Variants in UGT1A7 observed in about 807,000 individuals in gnomAD.
UGT1A7 encodes the protein UDP glucuronosyltransferase family 1 member A7, also known as UDP-glucuronosyltransferase 1A7.
Under a neutral mutation model 45.6 loss-of-function variants are expected in UGT1A7, and 33 were observed. The ratio of observed to expected loss-of-function variants is 0.72; its 90% CI spans 0.55 to 0.97. UGT1A7 has a LOEUF of 0.97. Among genes scored for constraint, UGT1A7 ranks in the 50% least tolerant of loss-of-function variants. UGT1A7 has a pLI of 0.00. For synonymous variants in UGT1A7, 274 were observed against 250.6 expected, an observed-to-expected ratio of 1.09 and a Z score of -0.88; for missense variants, 684 against 666.2, an observed-to-expected ratio of 1.03 and a Z score of -0.29.
chr2:233,685,350 A>G (rs898581661), intron 1 of UGT1A7, among the ~76,000 whole-genome samples: 1 of 152,132 alleles, frequency 6.6e-6, no homozygotes, highest in Non-Finnish European at 1.5e-5. Context: ...GGTTTTAATG[A>G]GAAAAAAAGA....
At chr2:233,726,798 G>T (rs548256451) in intron 1 of UGT1A7, among the ~76,000 whole-genome samples, 1 of 152,228 alleles carries the variant, frequency 6.6e-6, no homozygotes, top group South Asian at 2.1e-4. Context: ...CTTATTCAAG[G>T]CTTGGAGGTT....
At chr2:233,753,682 C>T (rs1184784607) in intron 1 of UGT1A7, 1 of 152,178 alleles carries the variant, frequency 6.6e-6, no homozygotes, top group Non-Finnish European at 1.5e-5. Context: ...CTCACCCAAA[C>T]AATATTACAG....
chr2:233,725,060 G>T (rs969335161), intron 1 of UGT1A7, among the ~76,000 whole-genome samples: 5 of 147,180 alleles, frequency 3.4e-5, no homozygotes, highest in African/African-American at 1.0e-4. Flanking sequence ...GGCGGCGCGC[G>T]CCTGCAATCG....
chr2:233,708,960 C>A (rs911786556), intron 1 of UGT1A7, among the ~76,000 whole-genome samples: 3 of 152,094 alleles, frequency 2.0e-5, no homozygotes, highest in African/African-American at 7.2e-5. Flanking sequence ...TATATGTTTC[C>A]ATTTCTTGTC....
At chr2:233,684,509 G>A (rs1488139518) in intron 1 of UGT1A7, among the ~76,000 whole-genome samples, 1 of 152,120 alleles carries the variant, frequency 6.6e-6, no homozygotes, top group Admixed American at 6.5e-5. Flanking sequence ...ATTTAGAGAT[G>A]TAGAAATTAT....
At chr2:233,722,896 G>A (rs1455405356) in intron 1 of UGT1A7, among the ~76,000 whole-genome samples, 3 of 126,364 alleles carry the variant, frequency 2.4e-5, no homozygotes, top group Admixed American at 8.2e-5. Flanking sequence ...TTAAGTGGAA[G>A]TGGATCATCA....
chr2:233,749,542 G>C (rs531548646), intron 1 of UGT1A7, among the ~76,000 whole-genome samples: 1 of 151,958 alleles, frequency 6.6e-6, no homozygotes, highest in Non-Finnish European at 1.5e-5. Flanking sequence ...GTGTGGTAAA[G>C]AACAGGCTAA....
chr2:233,755,296 C>A (rs1695848823), intron 1 of UGT1A7: 2 of 630,266 alleles, frequency 3.2e-6, no homozygotes, highest in Admixed American at 6.1e-5. Flanking sequence ...GCCTGCGGGG[C>A]ACTGGCACAG....
chr2:233,766,893 T>C (rs1364703426), intron 1 of UGT1A7, 141 bp from the exon 2 acceptor site: 21 of 1,472,754 alleles, frequency 1.4e-5, no homozygotes. Flanking sequence ...AACTTACATA[T>C]TAATAATTTT....
chr2:233,762,622 T>C (rs772893097), intron 1 of UGT1A7, among the ~76,000 whole-genome samples: 2 of 152,196 alleles, frequency 1.3e-5, no homozygotes, highest in African/African-American at 4.8e-5. Context: ...TGTTGTGACC[T>C]CAAACACTTC....
At chr2:233,740,578 C>A (rs1384729734) in intron 1 of UGT1A7, 2 of 151,730 alleles carry the variant, frequency 1.3e-5, no homozygotes, top group Non-Finnish European at 2.9e-5. Flanking sequence ...TTTTTTGGGA[C>A]CCTAATGAAA....
At chr2:233,746,624 G>C (rs934218336) in intron 1 of UGT1A7, among the ~76,000 whole-genome samples, 2 of 151,670 alleles carry the variant, frequency 1.3e-5, no homozygotes, top group Non-Finnish European at 2.9e-5. Context: ...CTCCTTTCAG[G>C]CAAGGACCAT....
intron 1 of UGT1A7, among the ~76,000 whole-genome samples, chr2:233,720,810 A>T (rs920812777): frequency 6.6e-6 from 1 of 151,018 alleles, no homozygotes; most frequent in Non-Finnish European, 1.5e-5. Context: ...GGTTTAAGAA[A>T]TTCTCCCACC....
intron 1 of UGT1A7, chr2:233,693,522 G>T: frequency 4.3e-6 from 7 of 1,614,162 alleles, no homozygotes; most frequent in Non-Finnish European, 5.1e-6. Flanking sequence ...CTCTTCAGGG[G>T]TTTTCCGTGT....
intron 1 of UGT1A7, among the ~76,000 whole-genome samples, chr2:233,685,285 C>T (rs4338954): frequency 2.0e-5 from 3 of 151,892 alleles, no homozygotes; most frequent in Admixed American, 1.3e-4. Context: ...CGCCCGCCTC[C>T]GCCTTTCAAA....
chr2:233,728,225 C>T (rs2077691607), intron 1 of UGT1A7, among the ~76,000 whole-genome samples: 1 of 152,206 alleles, frequency 6.6e-6, no homozygotes, highest in Non-Finnish European at 1.5e-5. Flanking sequence ...TGACCATAAT[C>T]TTCAGGATGA....
chr2:233,713,640 C>A (rs2076335946), intron 1 of UGT1A7: 5 of 1,613,940 alleles, frequency 3.1e-6, no homozygotes, highest in Non-Finnish European at 4.2e-6. Flanking sequence ...CATGCTCTAC[C>A]CTCTGGCCCT....
At chr2:233,704,886 C>A (rs2075811703) in intron 1 of UGT1A7, among the ~76,000 whole-genome samples, 1 of 152,124 alleles carries the variant, frequency 6.6e-6, no homozygotes, top group Admixed American at 6.5e-5. Context: ...GTAATCCCAG[C>A]ACTTTGGAAG....
chr2:233,754,991 G>C (rs1247616121), intron 1 of UGT1A7: 1 of 1,294,814 alleles, frequency 7.7e-7, no homozygotes, highest in African/African-American at 1.5e-5. Context: ...CGGGGTCACG[G>C]AAGCTGAAGA....
Sources: gnomAD v4.1 joint callset for allele counts (sites outside exome capture counted in the v4.1 genomes callset) on GRCh38, gnomAD v4.1.1 for gene constraint, MANE v1.5 for transcripts, NCBI Gene and HGNC (gene_info 2026-07-23, HGNC 2026-07-21) for gene names.